RASGRF1: variants seen among roughly 807,000 people sequenced by gnomAD.
RASGRF1 encodes the protein ras-specific guanine nucleotide-releasing factor 1.
RASGRF1 carries 40 observed loss-of-function variants against 138.7 expected under a neutral mutation model. The observed-to-expected ratio is 0.29, with a 90% confidence interval of 0.22 to 0.38. The LOEUF is 0.38. Ranked by LOEUF, RASGRF1 falls within the 10% of genes least tolerant of loss-of-function variation. The probability of loss-of-function intolerance (pLI) is 1.00; values close to 1 mark genes in which losing one functional copy is unlikely to be tolerated. For synonymous variants in RASGRF1, 614 were observed against 663.2 expected, an observed-to-expected ratio of 0.93 and a Z score of 1.14; for missense variants, 1,108 against 1,650.4, an observed-to-expected ratio of 0.67 and a Z score of 5.69.
chr15:78,964,023 C>T (rs562867315), intron 26 of RASGRF1, among the ~76,000 whole-genome samples: 1 of 152,204 alleles, frequency 6.6e-6, no homozygotes, highest in Admixed American at 6.5e-5. Flanking sequence ...GGGGTTTTGT[C>T]ATGTTGGCCA....
intron 6 of RASGRF1, among the ~76,000 whole-genome samples, chr15:79,033,401 C>T (rs1248119741): frequency 6.6e-6 from 1 of 151,848 alleles, no homozygotes; most frequent in Admixed American, 6.6e-5. Context: ...CATCACCACA[C>T]CCAGCTAATT....
chr15:79,009,372 T>C (rs12101506), intron 13 of RASGRF1, among the ~76,000 whole-genome samples: 40,477 of 152,112 alleles, frequency 0.27, 5,861 homozygotes, highest in Middle Eastern at 0.34. Context: ...GACAGCAACA[T>C]CGAGTAAGGG....
intron 19 of RASGRF1, 76 bp from the exon 20 acceptor site, chr15:78,995,876 A>ACGG: frequency 7.0e-7 from 1 of 1,431,788 alleles, no homozygotes; most frequent in Non-Finnish European, 9.8e-7. Flanking sequence ...ACAGCCCCAC[A>ACGG]CGGCCTCTGC....
chr15:79,049,679 GC>G lies in RASGRF1; in HGVS notation c.532-92del, dbSNP rs1447020330. On this transcript the variant is annotated intron_variant, in intron 3 of 26. Transcript: ENST00000558480. ...GGTGGGTGGCAGGAACAGGGTGGCA[GC>G]CGAGTGCCCTGCCTCTTCTTCCCCA... 11 of 1,052,506 alleles carry G rather than the reference GC, an allele frequency of 1.0e-5. 1 individual carries two copies. The highest frequency in any genetic ancestry group is 6.0e-4 in the Middle Eastern group (2 of 3,356). 65.2% of individuals were successfully genotyped at this position (1,052,506 alleles called of 1,614,324 possible). A position where few individuals can be genotyped will look rare whatever the true frequency, so the allele number is the denominator to read the frequency against.
In RASGRF1 at chr15:79,004,105, G is replaced by A. The variant is rs754845042; in HGVS notation, c.2146C>T (p.Arg716Cys). The change falls in exon 15 of 27, where the codon CGC becomes TGC. Residue 716 changes from arginine to cysteine, a missense_variant. Transcript: ENST00000558480. ...LLYGEPPKSP[R>C]ATRKFSSPPP... Reference sequence around the variant, plus strand: ...GGCGAGGAGAACTTGCGGGTGGCGCGCGGGGACTTGGGGGGTTCACCGTAC... The same window carrying A: ...GGCGAGGAGAACTTGCGGGTGGCGCACGGGGACTTGGGGGGTTCACCGTAC... The A allele has an allele frequency of 4.5e-5, 73 of 1,613,628 alleles. No homozygotes were observed. Among genetic ancestry groups the A allele is most frequent in the South Asian group, 5.5e-5 (5 of 91,038 alleles).
chr15:79,056,464 G>A (rs562249110), intron 3 of RASGRF1, among the ~76,000 whole-genome samples: 1 of 152,246 alleles, frequency 6.6e-6, no homozygotes, highest in South Asian at 2.1e-4. Flanking sequence ...GTAGCCCTGT[G>A]GGAAGAGGCT....
chr15:79,026,140 A>T lies in RASGRF1; in HGVS notation c.1382-666T>A, dbSNP rs1311905258. On this transcript the variant is annotated intron_variant, in intron 9 of 26. Transcript: ENST00000558480. ...GTACCCACCCTAATACATACCCTTC[A>T]GGCCCCCTCCCCACTGAGGTCCACA... Among the ~76,000 whole-genome samples the T allele has an allele frequency of 5.3e-5, 8 of 152,166 alleles. No homozygotes were observed. In the East Asian group the frequency reaches 1.4e-3, roughly 26 times the overall value.
In RASGRF1 at chr15:79,071,979, A is replaced by G. The variant is rs547924948; in HGVS notation, c.277-7453T>C. 1.4e-3 allele frequency among the ~76,000 whole-genome samples: 211 copies of G among 152,156 alleles called. 2 individuals are homozygous for G. The highest frequency in any genetic ancestry group is 0.014 in the Middle Eastern group (4 of 294). ...CCCTAAGACTTGCTCTCCTGTCCCT[A>G]TGATCTTTTCTGGCTGGTTTGGGTG... On this transcript the variant is annotated intron_variant, in intron 1 of 26. Transcript: ENST00000558480.
chr15:79,049,671 G>A, intron 3 of RASGRF1, 83 bp from the exon 4 acceptor site: 2 of 1,213,044 alleles, frequency 1.6e-6, no homozygotes, highest in Non-Finnish European at 2.3e-6. Context: ...GGCAGGAACA[G>A]GGTGGCAGCC....
chr15:78,970,621 C>CAAAAAAAAAAAAAAAAAAA (rs55689628), intron 26 of RASGRF1, among the ~76,000 whole-genome samples: 2 of 57,898 alleles, frequency 3.5e-5, no homozygotes, highest in Non-Finnish European at 6.9e-5. Flanking sequence ...GACTCTGTCT[C>CAAAAAAAAAAAAAAAAAAA]AAAAAAAAAA....
At chr15:79,003,718 G>A (rs112077610) in intron 15 of RASGRF1, 84 bp downstream of exon 15, 2 of 1,500,390 alleles carry the variant, frequency 1.3e-6, no homozygotes, top group East Asian at 4.6e-5. Context: ...AGCAGGAAGA[G>A]CAGCCCTGAG....
intron 9 of RASGRF1, among the ~76,000 whole-genome samples, chr15:79,026,868 C>T (rs2057064404): frequency 6.6e-6 from 1 of 152,176 alleles, no homozygotes; most frequent in African/African-American, 2.4e-5. Context: ...AGGGCTGGCT[C>T]TGAGCTCAGC....
At chr15:79,059,947 T>G (rs570611803) in intron 2 of RASGRF1, among the ~76,000 whole-genome samples, 2 of 146,722 alleles carry the variant, frequency 1.4e-5, no homozygotes, top group South Asian at 4.4e-4. Context: ...AGACAGCCAG[T>G]GTCTCCACTG....
chr15:78,981,935 C>T (rs890091595), intron 23 of RASGRF1, among the ~76,000 whole-genome samples: 6 of 152,218 alleles, frequency 3.9e-5, no homozygotes, highest in African/African-American at 1.4e-4. Flanking sequence ...CTGCACTTGC[C>T]CCTTTCCAGA....
At chr15:78,978,112 G>C (rs1360247423) in intron 24 of RASGRF1, among the ~76,000 whole-genome samples, 2 of 152,112 alleles carry the variant, frequency 1.3e-5, no homozygotes, top group African/African-American at 4.8e-5. Context: ...TGGCTAGTGG[G>C]GTGTTTGGTG....
rs910768034 is a variant in RASGRF1 at position 79,073,915 on chromosome 15, C to T, written c.277-9389G>A. 6.6e-6 allele frequency among the ~76,000 whole-genome samples: 1 copy of T among 152,154 alleles called. No homozygotes were observed. Among genetic ancestry groups the T allele is most frequent in the Admixed American group, 6.5e-5 (1 of 15,274 alleles). On this transcript the variant is annotated intron_variant, in intron 1 of 26. Coordinates refer to ENST00000558480, the MANE Select transcript of RASGRF1 (RefSeq NM_001145648.3). The surrounding 1 kb of genome is among the most constrained non-coding windows in gnomAD (Gnocchi z 4.2). The stretch of plus-strand genomic sequence containing the variant: ...AGCCCCCCAGGTGATCCTGCTGCAC[C>T]CTGTGGTATGAGAAGCATTGCTTAA...
rs201039870 is a variant in RASGRF1, at chr15:78,973,433, C to A, written c.3495-13G>T. The A allele has an allele frequency of 3.9e-6, 6 of 1,555,688 alleles. No homozygotes were observed. The African/African-American group carries it at 8.2e-5, about 21-fold the overall frequency. On this transcript the variant is annotated splice_polypyrimidine_tract_variant and intron_variant, in intron 24 of 26. Coordinates refer to ENST00000558480, the MANE Select transcript of RASGRF1 (RefSeq NM_001145648.3). This position sits in a 1 kb window ranked among gnomAD's most constrained non-coding sequence, Gnocchi z 4.9. The stretch of plus-strand genomic sequence containing the variant: ...GGGTGGGTCACAACTTGGAAGCAAA[C>A]GGCATTAACACAAGTTTTTCATTTT...
chr15:79,061,433 A>G (rs929616697), intron 2 of RASGRF1, among the ~76,000 whole-genome samples: 1 of 35,578 alleles, frequency 2.8e-5, no homozygotes, highest in Non-Finnish European at 5.3e-5. Flanking sequence ...TATATATATC[A>G]TTCATTTTTA....
intron 18 of RASGRF1, 173 bp from the exon 19 acceptor site, chr15:78,998,381 T>G (rs1480160953): frequency 1.5e-6 from 1 of 650,256 alleles, no homozygotes; most frequent in Non-Finnish European, 2.7e-6. Context: ...TCTCCAGGCC[T>G]AGAGAATCTT....
Sources: gnomAD v4.1 joint callset for allele counts (sites outside exome capture counted in the v4.1 genomes callset) on GRCh38, gnomAD v4.1.1 for gene constraint, Gnocchi (gnomAD v3.1) non-coding constraint, MANE v1.5 for transcripts, NCBI Gene and HGNC (gene_info 2026-07-23, HGNC 2026-07-21) for gene names.